Variants in CASZ1 observed in about 807,000 individuals in gnomAD.
CASZ1 encodes the protein castor zinc finger 1, also known as zinc finger protein castor homolog 1.
CASZ1 carries 28 observed loss-of-function variants against 135.2 expected under a neutral mutation model. The observed-to-expected ratio is 0.21, with a 90% CI of 0.15 to 0.28. CASZ1 has a LOEUF of 0.28. CASZ1 is among the 10% of genes least tolerant of loss of function. The pLI, the probability that CASZ1 is intolerant of heterozygous loss-of-function variation, is 1.00. For missense variants in CASZ1, 2,161 were observed against 2,453.3 expected, an observed-to-expected ratio of 0.88 and a Z score of 2.52; for synonymous variants, 1,068 against 1,073.4, an observed-to-expected ratio of 0.99 and a Z score of 0.10.
In CASZ1 at chr1:10,759,484, G is replaced by C. The variant is rs1454560812; in HGVS notation, c.-77+1217C>G. 6.6e-6 allele frequency among the ~76,000 whole-genome samples: 1 copy of C among 152,140 alleles called. No individual in the cohort carries two copies. The highest frequency in any genetic ancestry group is 1.5e-5 in the Non-Finnish European group (1 of 68,030). Reference sequence around the variant, plus strand: ...CTGCACACCAGGAAGAAGAGTCGCAGCCACACAGTTGCCCCACCACAGCGA... The same window carrying C: ...CTGCACACCAGGAAGAAGAGTCGCACCCACACAGTTGCCCCACCACAGCGA... On this transcript the variant is annotated intron_variant, in intron 2 of 20. Transcript: ENST00000377022. The surrounding 1 kb of genome is among the most constrained non-coding windows in gnomAD (Gnocchi z 4.2).
At chr1:10,743,695 G>C (rs1639977024) in intron 2 of CASZ1, among the ~76,000 whole-genome samples, 1 of 150,926 alleles carries the variant, frequency 6.6e-6, no homozygotes, top group South Asian at 2.1e-4. Context: ...GAGGAGAAGA[G>C]GGAAAGGGAG....
In CASZ1 at chr1:10,725,218, G is replaced by A. The variant is rs909990347; in HGVS notation, c.-76-19674C>T. Reference sequence around the variant, plus strand: ...ACCATGTCACTGCCCAGGGCAGCCCGGTGACCGTGGACACAGGGCGGCCAA... The same window carrying A: ...ACCATGTCACTGCCCAGGGCAGCCCAGTGACCGTGGACACAGGGCGGCCAA... On this transcript the variant is annotated intron_variant, in intron 2 of 20. Coordinates refer to ENST00000377022, the MANE Select transcript of CASZ1 (RefSeq NM_001079843.3). The surrounding 1 kb of genome is among the most constrained non-coding windows in gnomAD (Gnocchi z 4.4). Among the ~76,000 whole-genome samples the A allele has an allele frequency of 3.3e-5, 5 of 152,206 alleles. No individual in the cohort carries two copies. Among genetic ancestry groups the A allele is most frequent in the African/African-American group, 1.2e-4 (5 of 41,456 alleles).
Position 10,724,507 on chromosome 1 carries a change from C to G in CASZ1, c.-76-18963G>C, listed in dbSNP as rs1311244839. Among the ~76,000 whole-genome samples, 2 of 152,188 alleles carry G rather than the reference C, an allele frequency of 1.3e-5. No homozygotes were observed. The highest frequency in any genetic ancestry group is 4.8e-5 in the African/African-American group (2 of 41,426). On this transcript the variant is annotated intron_variant, in intron 2 of 20. Coordinates refer to ENST00000377022, the MANE Select transcript of CASZ1 (RefSeq NM_001079843.3). The surrounding 1 kb of genome is among the most constrained non-coding windows in gnomAD (Gnocchi z 4.1). The stretch of plus-strand genomic sequence containing the variant: ...CAGGCATGTCGGGAGCTAGAACAGT[C>G]CTGGTGGAGATTCCCTTGAAATGGG...
At chr1:10,641,429 C>T (rs368526418) in intron 20 of CASZ1, among the ~76,000 whole-genome samples, 14 of 152,208 alleles carry the variant, frequency 9.2e-5, no homozygotes, top group East Asian at 3.9e-4. Flanking sequence ...GTGGTGTCTA[C>T]GCTCAAGGGA....
Position 10,642,818 on chromosome 1 carries a change from G to A in CASZ1, c.4162+41C>T, listed in dbSNP as rs1441101417. ...CACCCAGCGGTGCTGGGCTTTGGGA[G>A]TGGGGCCTGGCCCTGCCAGCAGCCC... On this transcript the variant is annotated intron_variant, in intron 20 of 20. Transcript: ENST00000377022. 3 of 1,602,220 alleles carry A rather than the reference G, an allele frequency of 1.9e-6. No homozygotes were observed. In the South Asian group the frequency reaches 3.3e-5, roughly 18 times the overall value.
rs1238720871 is a variant in CASZ1 at position 10,697,602 on chromosome 1, C to T, written c.-23-3690G>A. 6.6e-6 allele frequency among the ~76,000 whole-genome samples: 1 copy of T among 151,770 alleles called. No homozygotes were observed. The highest frequency in any genetic ancestry group is 1.5e-5 in the Non-Finnish European group (1 of 67,948). ...GCTGGTTCCTGTTACCCCCCCCGCA[C>T]CCCCAAGTTGCCCACCTACACTCTC... On this transcript the variant is annotated intron_variant, in intron 3 of 20. Coordinates refer to ENST00000377022, the MANE Select transcript of CASZ1 (RefSeq NM_001079843.3). This position sits in a 1 kb window ranked among gnomAD's most constrained non-coding sequence, Gnocchi z 4.7.
Position 10,718,587 on chromosome 1 carries a change from C to T in CASZ1, c.-76-13043G>A, listed in dbSNP as rs554313792. Among the ~76,000 whole-genome samples the T allele has an allele frequency of 1.4e-4, 21 of 152,340 alleles. No homozygotes were observed. The South Asian group carries it at 4.3e-3, about 32-fold the overall frequency. On this transcript the variant is annotated intron_variant, in intron 2 of 20. Coordinates refer to ENST00000377022, the MANE Select transcript of CASZ1 (RefSeq NM_001079843.3). ...TTCTGGTTCTGCCCTGCCAGAGGCA[C>T]ATGCAGCCAAAGTCGCTGAGGGCCA...
At position 10,754,314 on chromosome 1, in the gene CASZ1, C is replaced by A. The variant is rs1488265625; in HGVS notation, c.-77+6387G>T. On this transcript the variant is annotated intron_variant, in intron 2 of 20. Transcript: ENST00000377022. ...TCCTGTATCATTTGGCTCCCTCCAT[C>A]CGAATGTAAACCTCATGAGGGCAGG... 2.0e-5 allele frequency among the ~76,000 whole-genome samples: 3 copies of A among 152,234 alleles called. No homozygotes were observed. In the South Asian group the frequency reaches 6.2e-4, roughly 32 times the overall value.
chr1:10,792,341 G>A (rs11121625), intron 1 of CASZ1, among the ~76,000 whole-genome samples: 2 of 2,118 alleles, frequency 9.4e-4, no homozygotes, highest in Non-Finnish European at 2.5e-3. Flanking sequence ...CCCCCCCCCC[G>A]GCCCCGCACA....
intron 4 of CASZ1, among the ~76,000 whole-genome samples, chr1:10,667,886 G>C (rs1052669129): frequency 6.9e-6 from 1 of 144,312 alleles, no homozygotes. Flanking sequence ...CTGTGTGCCT[G>C]GCTCAGTCCC....
At chr1:10,778,713 C>T (rs1225439190) in intron 1 of CASZ1, among the ~76,000 whole-genome samples, 1 of 152,174 alleles carries the variant, frequency 6.6e-6, no homozygotes. Flanking sequence ...CGTGTCCTTG[C>T]TCTTGATCCG....
chr1:10,724,398 G>GT lies in CASZ1; in HGVS notation c.-76-18855dup, dbSNP rs1185012903. 2.0e-5 allele frequency among the ~76,000 whole-genome samples: 3 copies of GT among 152,240 alleles called. No homozygotes were observed. Among genetic ancestry groups the GT allele is most frequent in the Non-Finnish European group, 4.4e-5 (3 of 68,044 alleles). ...CGAGTGTTTGCTTATTTACAAGGCT[G>GT]TTTTAAAGGGTAGAAAGCAAAATAA... is the stretch of plus-strand genomic sequence containing the variant. On this transcript the variant is annotated intron_variant, in intron 2 of 20. Coordinates refer to ENST00000377022, the MANE Select transcript of CASZ1 (RefSeq NM_001079843.3). This position sits in a 1 kb window ranked among gnomAD's most constrained non-coding sequence, Gnocchi z 4.1.
chr1:10,796,465 T>G (rs889363148), intron 1 of CASZ1, 99 bp downstream of exon 1: 22 of 136,196 alleles, frequency 1.6e-4, no homozygotes, highest in African/African-American at 6.0e-4. Context: ...GTGGGGGGGG[T>G]GCACCGGGAC....
At chr1:10,674,665 G>A (rs1570457221) in intron 4 of CASZ1, among the ~76,000 whole-genome samples, 1 of 152,254 alleles carries the variant, frequency 6.6e-6, no homozygotes, top group East Asian at 1.9e-4. Flanking sequence ...CACGGTGACT[G>A]TGGGCAGAGT....
At chr1:10,732,119 G>A (rs1639712026) in intron 2 of CASZ1, among the ~76,000 whole-genome samples, 1 of 151,942 alleles carries the variant, frequency 6.6e-6, no homozygotes, top group Non-Finnish European at 1.5e-5. Flanking sequence ...GAAGTCAGGA[G>A]TTCGAGACCA....
chr1:10,721,628 G>A lies in CASZ1; in HGVS notation c.-76-16084C>T, dbSNP rs1213868637. On this transcript the variant is annotated intron_variant, in intron 2 of 20. Coordinates refer to ENST00000377022, the MANE Select transcript of CASZ1 (RefSeq NM_001079843.3). This position sits in a 1 kb window ranked among gnomAD's most constrained non-coding sequence, Gnocchi z 5.4. Reference sequence around the variant, plus strand: ...GGCCCCCTTGCCATCAGAGCCCACGGGGGGCTGGACGAGGGTGGAGGGTAC... The same window carrying A: ...GGCCCCCTTGCCATCAGAGCCCACGAGGGGCTGGACGAGGGTGGAGGGTAC... Among the ~76,000 whole-genome samples the A allele has an allele frequency of 1.3e-5, 2 of 152,202 alleles. No individual in the cohort carries two copies. Among genetic ancestry groups the A allele is most frequent in the Non-Finnish European group, 2.9e-5 (2 of 68,016 alleles).
rs1557530356 is a variant in CASZ1, at chr1:10,719,297, G to T, written c.-76-13753C>A. Reference sequence around the variant, plus strand: ...CAGCAAGGCACAGCTCCTAAGAACAGTAAGGCTGTTTCTCTTCTATTTGAA... The same window carrying T: ...CAGCAAGGCACAGCTCCTAAGAACATTAAGGCTGTTTCTCTTCTATTTGAA... On this transcript the variant is annotated intron_variant, in intron 2 of 20. Transcript: ENST00000377022. This position sits in a 1 kb window ranked among gnomAD's most constrained non-coding sequence, Gnocchi z 4.0. Among the ~76,000 whole-genome samples, 2 of 152,230 alleles carry T rather than the reference G, an allele frequency of 1.3e-5. No homozygotes were observed. Among genetic ancestry groups the T allele is most frequent in the Non-Finnish European group, 2.9e-5 (2 of 68,038 alleles).
chr1:10,765,048 T>C (rs1302161447), intron 1 of CASZ1, among the ~76,000 whole-genome samples: 1 of 152,066 alleles, frequency 6.6e-6, no homozygotes, highest in African/African-American at 2.4e-5. Flanking sequence ...GGCTTTATCT[T>C]TGGGGGCGTG....
rs1402925780 is a variant in CASZ1 at position 10,739,605 on chromosome 1, G to A, written c.-77+21096C>T. Among the ~76,000 whole-genome samples the A allele has an allele frequency of 6.6e-6, 1 of 152,150 alleles. No homozygotes were observed. Among genetic ancestry groups the A allele is most frequent in the Non-Finnish European group, 1.5e-5 (1 of 68,016 alleles). On this transcript the variant is annotated intron_variant, in intron 2 of 20. Transcript: ENST00000377022. This position sits in a 1 kb window ranked among gnomAD's most constrained non-coding sequence, Gnocchi z 4.8. Reference sequence around the variant, plus strand: ...TCCACTCCCCAAAGAGCCTTCAGGGGCCTTCTTGTCGTTGATCAAAACAAC... The same window carrying A: ...TCCACTCCCCAAAGAGCCTTCAGGGACCTTCTTGTCGTTGATCAAAACAAC...
Sources: gnomAD v4.1 joint callset for allele counts (sites outside exome capture counted in the v4.1 genomes callset) on GRCh38, gnomAD v4.1.1 for gene constraint, Gnocchi (gnomAD v3.1) non-coding constraint, MANE v1.5 for transcripts, NCBI Gene and HGNC (gene_info 2026-07-23, HGNC 2026-07-21) for gene names.